The following SLC43A2 variants were observed in gnomAD, a reference collection of about 807,000 sequenced individuals.
The protein encoded by SLC43A2 is large neutral amino acids transporter small subunit 4.
In SLC43A2, 38 loss-of-function variants were observed where a neutral mutation model predicts 63.2. That is an observed-to-expected ratio of 0.60 (90% CI 0.46 to 0.79). SLC43A2 has a LOEUF of 0.79. SLC43A2 is among the 30% of genes least tolerant of loss of function. SLC43A2 has a pLI of 0.00. For synonymous variants in SLC43A2, 322 were observed against 331.0 expected (o/e 0.97, Z 0.30); for missense variants, 644 against 756.2 (o/e 0.85, Z 1.74).
chr17:1,602,024 C>T (rs1331257602), intron 5 of SLC43A2, among the ~76,000 whole-genome samples: 1 of 151,706 alleles, frequency 6.6e-6, no homozygotes, highest in Non-Finnish European at 1.5e-5. Flanking sequence ...ACCGCCCTCC[C>T]GAAGGTCCAA....
Position 1,593,042 on chromosome 17 carries a change from G to T in SLC43A2, c.594+145C>A. ...CCCGCGGTTTTCATTTGTCGCCCCT[G>T]TGATGCCCAGGTGCATCCTGCCCGG... On this transcript the variant is annotated intron_variant, in intron 6 of 13. Transcript: ENST00000301335. The surrounding 1 kb of genome is among the most constrained non-coding windows in gnomAD (Gnocchi z 5.3). The T allele has an allele frequency of 1.4e-6, 1 of 706,100 alleles. No individual in the cohort carries two copies. Among genetic ancestry groups the T allele is most frequent in the Non-Finnish European group, 2.4e-6 (1 of 410,810 alleles). The allele number at this position is 706,100 out of a possible 1,614,324, so 43.7% of individuals were successfully genotyped here.
At chr17:1,579,317 C>T (rs530860360) in intron 11 of SLC43A2, among the ~76,000 whole-genome samples, 143 of 150,598 alleles carry the variant, frequency 9.5e-4, no homozygotes, top group African/African-American at 2.5e-3. Flanking sequence ...AAAAATTAGC[C>T]GGGTGTGGTG....
intron 2 of SLC43A2, among the ~76,000 whole-genome samples, chr17:1,623,166 A>T (rs1166001596): frequency 2.6e-5 from 4 of 152,170 alleles, no homozygotes; most frequent in African/African-American, 9.7e-5. Context: ...TCCTGTCCAC[A>T]TCTGCAGCTT....
chr17:1,624,581 G>A (rs752021033), intron 2 of SLC43A2, among the ~76,000 whole-genome samples: 4 of 151,816 alleles, frequency 2.6e-5, no homozygotes, highest in African/African-American at 9.7e-5. Flanking sequence ...GTGGGCACCT[G>A]TAATCCCAAA....
chr17:1,623,431 C>T (rs1908344497), intron 2 of SLC43A2, among the ~76,000 whole-genome samples: 1 of 152,154 alleles, frequency 6.6e-6, no homozygotes, highest in East Asian at 1.9e-4. Flanking sequence ...GTTTCTATGC[C>T]ACCCAAACAT....
In SLC43A2 at chr17:1,599,305, A is replaced by G. The variant is rs546508673; in HGVS notation, c.502-6026T>C. 3.0e-4 allele frequency among the ~76,000 whole-genome samples: 45 copies of G among 152,046 alleles called. No homozygotes were observed. The South Asian group carries it at 3.1e-3, about 11-fold the overall frequency. ...CAATGAGCCAAGATCATGCCACTGC[A>G]CTCCAGCCTGGCGACAGAGTGAGAC... is the stretch of plus-strand genomic sequence containing the variant. On this transcript the variant is annotated intron_variant, in intron 5 of 13. Coordinates refer to ENST00000301335, the MANE Select transcript of SLC43A2 (RefSeq NM_152346.3).
intron 2 of SLC43A2, among the ~76,000 whole-genome samples, chr17:1,625,566 T>A (rs1396095596): frequency 6.6e-6 from 1 of 152,122 alleles, no homozygotes; most frequent in African/African-American, 2.4e-5. Flanking sequence ...TCACCCTAAC[T>A]TCGCCAGGCA....
intron 5 of SLC43A2, among the ~76,000 whole-genome samples, chr17:1,599,684 C>G (rs1457950703): frequency 1.4e-5 from 2 of 143,568 alleles, no homozygotes; most frequent in East Asian, 2.1e-4. Context: ...CTGGGCAACA[C>G]AGTTAGACTC....
chr17:1,575,236 A>T lies in SLC43A2; in HGVS notation c.*368T>A. Reference sequence around the variant, plus strand: ...GGCATGCAGCCGAGGGGCAGGTGGCAGGCAGGGGATGGCAGCCCCCTCTGC... The same window carrying T: ...GGCATGCAGCCGAGGGGCAGGTGGCTGGCAGGGGATGGCAGCCCCCTCTGC... On this transcript the variant is annotated 3_prime_UTR_variant, in exon 14 of 14. Transcript: ENST00000301335. 1 of 350,114 alleles carries T rather than the reference A, an allele frequency of 2.9e-6. No homozygotes were observed. The highest frequency in any genetic ancestry group is 5.4e-6 in the Non-Finnish European group (1 of 186,514). 21.7% of individuals were successfully genotyped at this position (350,114 alleles called of 1,614,324 possible). A position where few individuals can be genotyped will look rare whatever the true frequency, so the allele number is the denominator to read the frequency against.
intron 13 of SLC43A2, 139 bp downstream of exon 13, chr17:1,576,458 A>T: frequency 1.1e-6 from 1 of 921,858 alleles, no homozygotes; most frequent in Non-Finnish European, 1.6e-6. Flanking sequence ...GCCACCATTC[A>T]CAAAGGGACT....
chr17:1,627,652 A>AAC, intron 2 of SLC43A2, 63 bp downstream of exon 2: 5 of 227,122 alleles, frequency 2.2e-5, no homozygotes, highest in East Asian at 2.7e-4. Context: ...CTTCGCCCCC[A>AAC]TCCCGCCCCC....
In SLC43A2 at chr17:1,583,380, G is replaced by C; in HGVS notation, c.1218-44C>G. 1.2e-6 allele frequency: 2 copies of C among 1,604,990 alleles called. No homozygotes were observed. The highest frequency in any genetic ancestry group is 1.7e-6 in the Non-Finnish European group (2 of 1,172,988). ...TGCAGGGGTGGGAGGGCTCCCCGGA[G>C]GAAGCCGGGTGCTCCTGAGAAGTCA... On this transcript the variant is annotated intron_variant, in intron 10 of 13. Transcript: ENST00000301335. This position sits in a 1 kb window ranked among gnomAD's most constrained non-coding sequence, Gnocchi z 5.5.
intron 4 of SLC43A2, 43 bp from the exon 5 acceptor site, chr17:1,613,314 G>A (rs971198644): frequency 3.8e-6 from 6 of 1,590,072 alleles, no homozygotes; most frequent in Non-Finnish European, 5.2e-6. Flanking sequence ...CCCCAGCTGA[G>A]CTCCAGGGAA....
Position 1,591,350 on chromosome 17 carries a change from C to T in SLC43A2, c.850G>A (p.Glu284Lys). 6.2e-7 allele frequency: 1 copy of T among 1,611,178 alleles called. No individual in the cohort carries two copies. The highest frequency in any genetic ancestry group is 8.5e-7 in the Non-Finnish European group (1 of 1,179,974). Residue 284 changes from glutamate (E) to lysine (K), a missense_variant, in exon 8 of 14, where the codon GAG (glutamate) becomes AAG (lysine). This residue lies in a region of SLC43A2 where 528 missense variants were observed against 623.6 expected (regional missense o/e 0.85). Coordinates refer to ENST00000301335, the MANE Select transcript of SLC43A2 (RefSeq NM_152346.3). ...SVGSSMRSAK[E>K]QVALQEGHKL... is the part of the protein sequence containing the mutation. The stretch of plus-strand genomic sequence containing the variant: ...TGGCCCTCCTGCAGCGCCACCTGCT[C>T]CTTGGCACTCCTCATGGAGCTGCCC...
intron 10 of SLC43A2, among the ~76,000 whole-genome samples, chr17:1,584,449 T>C (rs2076070113): frequency 1.3e-5 from 2 of 152,140 alleles, no homozygotes; most frequent in Admixed American, 1.3e-4. Context: ...TGAGATACTG[T>C]GCATGGAGTC....
chr17:1,575,511 G>T lies in SLC43A2; in HGVS notation c.*93C>A. 1 of 1,529,618 alleles carries T rather than the reference G, an allele frequency of 6.5e-7. No homozygotes were observed. Among genetic ancestry groups the T allele is most frequent in the East Asian group, 2.3e-5 (1 of 44,286 alleles). 94.8% of individuals were successfully genotyped at this position (1,529,618 alleles called of 1,614,324 possible). On this transcript the variant is annotated 3_prime_UTR_variant, in exon 14 of 14. Transcript: ENST00000301335. ...TGAACGCTGGCACGGAGACGGCGAA[G>T]GTCCTGGGGGTGCGTGGGGTACTCT...
chr17:1,613,293 G>A (rs1262146768), intron 4 of SLC43A2, 22 bp from the exon 5 acceptor site: 16 of 1,612,504 alleles, frequency 9.9e-6, no homozygotes, highest in African/African-American at 2.7e-5. Context: ...TGGAAAGCTC[G>A]TGAGTGGAGA....
rs1224842091 is a variant in SLC43A2 at position 1,591,707 on chromosome 17, G to A, written c.595-8C>T. On this transcript the variant is annotated splice_region_variant and splice_polypyrimidine_tract_variant and intron_variant, in intron 6 of 13. Coordinates refer to ENST00000301335, the MANE Select transcript of SLC43A2 (RefSeq NM_152346.3). ...ACCAGCATCATAGATGAGCTGACAG[G>A]CACCGCGGGGACGGGGTGGGGGGGG... is the stretch of plus-strand genomic sequence containing the variant. The A allele has an allele frequency of 8.0e-5, 45 of 560,694 alleles. No individual in the cohort carries two copies. The highest frequency in any genetic ancestry group is 1.4e-4 in the Non-Finnish European group (45 of 322,534). The allele number at this position is 560,694 out of a possible 1,614,324, so 34.7% of individuals were successfully genotyped here.
chr17:1,584,144 T>C (rs55665343), intron 10 of SLC43A2, among the ~76,000 whole-genome samples: 70,717 of 151,768 alleles, frequency 0.47, 18,306 homozygotes, highest in Middle Eastern at 0.61. Context: ...CCACCCGCCT[T>C]GGCCTCCCAA....
Sources: gnomAD v4.1 joint callset for allele counts (sites outside exome capture counted in the v4.1 genomes callset) on GRCh38, gnomAD v4.1.1 for gene constraint, gnomAD v4.1.1 regional missense constraint, Gnocchi (gnomAD v3.1) non-coding constraint, MANE v1.5 for transcripts, NCBI Gene and HGNC (gene_info 2026-07-23, HGNC 2026-07-21) for gene names.